The following SOX6 variants were observed in gnomAD, a reference collection of about 807,000 sequenced individuals.
The protein encoded by SOX6 is transcription factor SOX-6.
SOX6 carries 11 observed loss-of-function variants against 97.8 expected under a neutral mutation model. The observed-to-expected ratio is 0.11, with a 90% CI of 0.07 to 0.19. The LOEUF (loss-of-function observed/expected upper bound fraction) is 0.19. SOX6 is among the 10% of genes least tolerant of loss of function. The pLI is 1.00. For synonymous variants in SOX6, 360 were observed against 371.4 expected, an observed-to-expected ratio of 0.97 and a Z score of 0.35; for missense variants, 810 against 1,039.5, an observed-to-expected ratio of 0.78 and a Z score of 3.04.
At chr11:16,006,522 T>C (rs1854559646) in intron 13 of SOX6, among the ~76,000 whole-genome samples, 1 of 152,100 alleles carries the variant, frequency 6.6e-6, no homozygotes, top group Non-Finnish European at 1.5e-5. Context: ...TGAAGGTCTA[T>C]CTGCTTAATG....
At chr11:16,423,254 A>C (rs1440822367) in intron 1 of SOX6, among the ~76,000 whole-genome samples, 3 of 152,136 alleles carry the variant, frequency 2.0e-5, no homozygotes, top group African/African-American at 7.2e-5. Context: ...CTCTTCTTCC[A>C]GTACTTTGCA....
At chr11:16,716,611 A>G (rs1012908639) in intron 2 of SOX6, among the ~76,000 whole-genome samples, 1 of 152,194 alleles carries the variant, frequency 6.6e-6, no homozygotes, top group African/African-American at 2.4e-5. Context: ...TAACACATGC[A>G]CATTTATATA....
At position 16,444,323 on chromosome 11, in the gene SOX6, A is replaced by G. The variant is rs183816290; in HGVS notation, c.-5+31992T>C. Among the ~76,000 whole-genome samples the G allele has an allele frequency of 3.3e-5, 5 of 152,310 alleles. No individual in the cohort carries two copies. The East Asian group carries it at 9.6e-4, about 29-fold the overall frequency. On this transcript the variant is annotated intron_variant, in intron 1 of 15. Transcript: ENST00000396356. ...TTTGTCTTTTCTGAGATAGCATGGA[A>G]TAAAGTAATAGTAATTACAGTATTA...
chr11:16,132,415 A>AAG (rs1491261485), intron 6 of SOX6, among the ~76,000 whole-genome samples: 1 of 112,694 alleles, frequency 8.9e-6, no homozygotes, highest in Non-Finnish European at 1.7e-5. Flanking sequence ...GAAAGAAAGA[A>AAG]AGAAAGAAAG....
intron 3 of SOX6, among the ~76,000 whole-genome samples, chr11:16,272,914 G>T (rs986060137): frequency 6.6e-6 from 1 of 151,796 alleles, no homozygotes; most frequent in African/African-American, 2.4e-5. Context: ...CTGGCCTTGA[G>T]ATATATGTAT....
chr11:16,725,517 A>T (rs987296248), intron 2 of SOX6, among the ~76,000 whole-genome samples: 3 of 152,050 alleles, frequency 2.0e-5, no homozygotes, highest in African/African-American at 7.2e-5. Context: ...AAGAAAAAAA[A>T]TGCTAAGTGA....
chr11:16,062,273 CA>C lies in SOX6; in HGVS notation c.1102-6373del, dbSNP rs1024411844. Among the ~76,000 whole-genome samples the C allele has an allele frequency of 6.9e-4, 103 of 149,542 alleles. 1 individual carries two copies. The East Asian group carries it at 0.015, about 22-fold the overall frequency. On this transcript the variant is annotated intron_variant, in intron 9 of 15. Transcript: ENST00000683767. ...TAGTTATTAACAGTCTAGTTAATAACAAAAAAAAACTATTTATTCTAACCAA... is the reference window on the plus strand; with the variant it reads ...TAGTTATTAACAGTCTAGTTAATAACAAAAAAAACTATTTATTCTAACCAA...
intron 1 of SOX6, chr11:16,402,774 C>G: frequency 1.2e-6 from 2 of 1,604,356 alleles, no homozygotes; most frequent in South Asian, 1.1e-5. Flanking sequence ...AAAAAACAAT[C>G]TACTATTGTT....
At chr11:15,998,816 T>C (rs559308538) in intron 13 of SOX6, among the ~76,000 whole-genome samples, 3 of 152,110 alleles carry the variant, frequency 2.0e-5, no homozygotes, top group Non-Finnish European at 2.9e-5. Flanking sequence ...GAAAAAACTA[T>C]AACACTCCTC....
At chr11:16,214,568 C>A (rs1187722337) in intron 4 of SOX6, among the ~76,000 whole-genome samples, 1 of 152,058 alleles carries the variant, frequency 6.6e-6, no homozygotes, top group Non-Finnish European at 1.5e-5. Context: ...ATAACCATTA[C>A]CCGCTGCTCC....
At chr11:16,197,799 G>A (rs1480735116) in intron 4 of SOX6, among the ~76,000 whole-genome samples, 1 of 152,048 alleles carries the variant, frequency 6.6e-6, no homozygotes, top group Non-Finnish European at 1.5e-5. Flanking sequence ...TTAAAGCCTG[G>A]GTCCAGAAAT....
chr11:16,520,441 G>A (rs892086104), intron 4 of SOX6, among the ~76,000 whole-genome samples: 36 of 152,212 alleles, frequency 2.4e-4, no homozygotes, highest in African/African-American at 7.2e-4. Flanking sequence ...TTTATTAACC[G>A]TGTCTTCCAA....
Position 16,688,222 on chromosome 11 carries a change from C to A in SOX6, n.429+26608G>T, listed in dbSNP as rs114508079. On this transcript the variant is annotated intron_variant and non_coding_transcript_variant, in intron 3 of 5. Coordinates refer to the SOX6 transcript ENST00000524520. ...CTCCTGGGCTCAAGCAATCCACCCA[C>A]CACAGTCTCCCAAAGTGTTGGGATG... Among the ~76,000 whole-genome samples, 1,077 of 152,290 alleles carry A rather than the reference C, an allele frequency of 7.1e-3. 14 individuals are homozygous for A. The highest frequency in any genetic ancestry group is 0.023 in the African/African-American group (972 of 41,564).
At chr11:16,170,463 A>C (rs550091150) in intron 6 of SOX6, among the ~76,000 whole-genome samples, 8 of 152,060 alleles carry the variant, frequency 5.3e-5, no homozygotes, top group South Asian at 2.1e-4. Flanking sequence ...ATAAAAGAAG[A>C]AGCTTATCTT....
At chr11:16,047,415 G>A (rs772873075) in intron 11 of SOX6, among the ~76,000 whole-genome samples, 5 of 151,934 alleles carry the variant, frequency 3.3e-5, no homozygotes, top group Admixed American at 6.6e-5. Flanking sequence ...ACAATGAGGC[G>A]ATATGTGTGG....
chr11:16,398,704 G>A (rs1050208468), intron 1 of SOX6, among the ~76,000 whole-genome samples: 2 of 149,464 alleles, frequency 1.3e-5, no homozygotes, highest in Admixed American at 6.7e-5. Context: ...TTAATATCCT[G>A]TTTTATGTAT....
chr11:16,021,972 AT>A (rs1332309434), intron 12 of SOX6, among the ~76,000 whole-genome samples: 15 of 152,146 alleles, frequency 9.9e-5, no homozygotes, highest in Admixed American at 9.8e-4. Context: ...GGGTTAAGTC[AT>A]TTAATCAAAA....
intron 2 of SOX6, among the ~76,000 whole-genome samples, chr11:16,331,806 T>G (rs1316284172): frequency 6.6e-6 from 1 of 152,174 alleles, no homozygotes; most frequent in African/African-American, 2.4e-5. Flanking sequence ...AAAGTCTAAC[T>G]GCAATCAGGT....
At chr11:16,499,708 A>G (rs1443408623) in intron 4 of SOX6, among the ~76,000 whole-genome samples, 1 of 152,226 alleles carries the variant, frequency 6.6e-6, no homozygotes, top group Non-Finnish European at 1.5e-5. Flanking sequence ...TAGAAAATCT[A>G]GAAGAAATGG....
Sources: allele counts gnomAD v4.1 joint callset (sites outside exome capture counted in the v4.1 genomes callset), GRCh38; gene constraint gnomAD v4.1.1; transcripts MANE v1.5; gene names NCBI Gene and HGNC (gene_info 2026-07-23, HGNC 2026-07-21).